ATG101: variants seen among roughly 807,000 people sequenced by gnomAD.
ATG101 encodes the protein autophagy related 101.
A neutral mutation model predicts 16.7 loss-of-function variants in ATG101; 6 were observed. That is an observed-to-expected ratio of 0.36 (90% CI 0.20 to 0.71). ATG101 has a LOEUF of 0.71. Among genes scored for constraint, ATG101 ranks in the 30% least tolerant of loss-of-function variants. The pLI, the probability that ATG101 is intolerant of heterozygous loss-of-function variation, is 0.57. For synonymous variants in ATG101, 108 were observed against 118.1 expected, an observed-to-expected ratio of 0.91 and a Z score of 0.56; for missense variants, 200 against 292.5, an observed-to-expected ratio of 0.68 and a Z score of 2.31.
chr12:52,074,264 A>G (rs946382616), intron 3 of ATG101, among the ~76,000 whole-genome samples: 1 of 152,178 alleles, frequency 6.6e-6, no homozygotes, highest in Non-Finnish European at 1.5e-5. Context: ...TTCCCACATG[A>G]AACTCCCCCA....
At chr12:52,074,884 A>G (rs578235046) in intron 3 of ATG101, among the ~76,000 whole-genome samples, 1 of 152,296 alleles carries the variant, frequency 6.6e-6, no homozygotes, top group Admixed American at 6.5e-5. Flanking sequence ...GCTTGAGCCT[A>G]GGAATTCGAG....
At chr12:52,076,688 A>G (rs1939735361) in intron 3 of ATG101, 98 bp from the exon 4 acceptor site, 1 of 1,367,932 alleles carries the variant, frequency 7.3e-7, no homozygotes, top group South Asian at 1.4e-5. Flanking sequence ...GATGATGACT[A>G]GAGCTAAGAG....
chr12:52,077,054 TG>T lies in ATG101; in HGVS notation c.523del (p.Asp175IlefsTer80). ...CCCAAGATGCCCACACAGTCGGAGG[TG>T]GATAACGTGTTTGACACAGGCTTGC... is the stretch of plus-strand genomic sequence containing the variant. ...YLPKMPTQSE[V>X]DNVFDTGLRD... On this transcript the variant is annotated frameshift_variant, in exon 4 of 4. Transcript: ENST00000336854. LOFTEE classifies it high-confidence loss of function. 1 of 1,613,970 alleles carries T rather than the reference TG, an allele frequency of 6.2e-7. No individual in the cohort carries two copies. The highest frequency in any genetic ancestry group is 8.5e-7 in the Non-Finnish European group (1 of 1,180,000).
intron 2 of ATG101, among the ~76,000 whole-genome samples, chr12:52,073,063 G>A (rs184212834): frequency 1.9e-4 from 29 of 152,234 alleles, no homozygotes; most frequent in African/African-American, 6.3e-4. Context: ...CACCACACCC[G>A]GCCTAGAGGT....
chr12:52,075,424 A>G (rs1019265698), intron 3 of ATG101, among the ~76,000 whole-genome samples: 2 of 152,168 alleles, frequency 1.3e-5, no homozygotes, highest in African/African-American at 2.4e-5. Flanking sequence ...GCTTACCTCA[A>G]AGGGTGTGTG....
intron 2 of ATG101, among the ~76,000 whole-genome samples, chr12:52,072,444 C>T (rs1311818248): frequency 6.6e-6 from 1 of 152,174 alleles, no homozygotes; most frequent in African/African-American, 2.4e-5. Flanking sequence ...GATTCAAACC[C>T]AGGACTGTAG....
chr12:52,074,449 C>T (rs1939702249), intron 3 of ATG101, among the ~76,000 whole-genome samples: 6 of 152,142 alleles, frequency 3.9e-5, no homozygotes, highest in Admixed American at 3.3e-4. Context: ...GGTCTTTGTT[C>T]AGAGTCACAG....
intron 2 of ATG101, 139 bp from the exon 3 acceptor site, chr12:52,073,432 ACTTG>A: frequency 1.8e-6 from 1 of 569,788 alleles, no homozygotes; most frequent in Non-Finnish European, 3.1e-6. Flanking sequence ...TGATCCTGAG[ACTTG>A]ATGATTCGTT....
At chr12:52,066,795 G>C (rs1939556172), upstream of ATG101, among the ~76,000 whole-genome samples, 1 of 152,178 alleles carries the variant, frequency 6.6e-6, no homozygotes, top group Admixed American at 6.5e-5. Context: ...GCAAAGGGCT[G>C]AGTTGGAGTG....
rs550081891 is a variant in ATG101 at position 52,073,192 on chromosome 12, A to G, written c.-76-383A>G. Among the ~76,000 whole-genome samples, 4 of 152,278 alleles carry G rather than the reference A, an allele frequency of 2.6e-5. No individual in the cohort carries two copies. In the East Asian group the frequency reaches 5.8e-4, roughly 22 times the overall value. On this transcript the variant is annotated intron_variant, in intron 2 of 3. Coordinates refer to ENST00000336854, the MANE Select transcript of ATG101 (RefSeq NM_021934.5). ...CAAGGTCCCAGGAAATCAGACTCCA[A>G]TCTTTCTGTACTTCTTACTCCCACC...
In ATG101 at chr12:52,077,072, C is replaced by G. The variant is rs369203255; in HGVS notation, c.539C>G (p.Thr180Arg). The G allele has an allele frequency of 6.2e-7, 1 of 1,614,098 alleles. No homozygotes were observed. Among genetic ancestry groups the G allele is most frequent in the African/African-American group, 1.3e-5 (1 of 74,918 alleles). ...TQSEVDNVFD[T>R]GLRDVQPYLY... ...TCGGAGGTGGATAACGTGTTTGACA[C>G]AGGCTTGCGGGACGTGCAGCCCTAC... Residue 180 changes from threonine (T) to arginine (R), a missense_variant, in exon 4 of 4, where the codon ACA (threonine) becomes AGA (arginine). Thr to Arg is a moderately conservative substitution (Grantham distance 71, BLOSUM62 -1). Coordinates refer to ENST00000336854, the MANE Select transcript of ATG101 (RefSeq NM_021934.5).
At chr12:52,076,149 C>A (rs538665645) in intron 3 of ATG101, among the ~76,000 whole-genome samples, 17 of 152,164 alleles carry the variant, frequency 1.1e-4, no homozygotes, top group Non-Finnish European at 2.2e-4. Flanking sequence ...CAGAGTAAGA[C>A]CCAGTTTCTT....
rs1939618205 is a variant in ATG101, at chr12:52,070,137, A to G, written c.-312A>G. On this transcript the variant is annotated 5_prime_UTR_variant, in exon 1 of 4. Coordinates refer to ENST00000336854, the MANE Select transcript of ATG101 (RefSeq NM_021934.5). The stretch of plus-strand genomic sequence containing the variant: ...GCGTGGGCATCCCCCGGGGCAGTGG[A>G]ACGCGGGCGCTCCTCCAGCTTCCGA... 1 of 152,186 alleles carries G rather than the reference A, an allele frequency of 6.6e-6. No homozygotes were observed. The highest frequency in any genetic ancestry group is 1.5e-5 in the Non-Finnish European group (1 of 68,202). The allele number at this position is 152,186 out of a possible 1,614,324, so 9.4% of individuals were successfully genotyped here. A position where few individuals can be genotyped will look rare whatever the true frequency, so the allele number is the denominator to read the frequency against.
In ATG101 at chr12:52,077,234, TGGCTTTTGGGAATTGCACTTTTG is replaced by T. The variant is rs1481211469; in HGVS notation, c.*48_*70del. The T allele has an allele frequency of 3.8e-6, 6 of 1,585,274 alleles. No individual in the cohort carries two copies. Among genetic ancestry groups the T allele is most frequent in the Non-Finnish European group, 3.4e-6 (4 of 1,163,254 alleles). ...GAGCTCCTTGATGGCTCCCAGACCT[TGGCTTTTGGGAATTGCACTTTTG>T]GGCCTTTGGGCTCTGGAACCTGCTC... On this transcript the variant is annotated 3_prime_UTR_variant, in exon 4 of 4. Transcript: ENST00000336854.
In ATG101 at chr12:52,076,805, G is replaced by A; in HGVS notation, c.272G>A (p.Gly91Asp). 1 of 1,614,140 alleles carries A rather than the reference G, an allele frequency of 6.2e-7. No homozygotes were observed. ...GEFKDALRNS[G>D]GDGLGQMSLE... Reference sequence around the variant, plus strand: ...TCCCAGGATGCACTGCGCAACTCTGGTGGCGATGGGCTGGGGCAGATGTCC... The same window carrying A: ...TCCCAGGATGCACTGCGCAACTCTGATGGCGATGGGCTGGGGCAGATGTCC... The change falls in exon 4 of 4, where the codon GGT (glycine) becomes GAT (aspartate). Residue 91 changes from glycine to aspartate, a missense_variant. Gly to Asp is a moderately conservative substitution (Grantham distance 94, BLOSUM62 -1). Transcript: ENST00000336854.
At chr12:52,068,284 C>T (rs1939570615), upstream of ATG101, among the ~76,000 whole-genome samples, 1 of 151,246 alleles carries the variant, frequency 6.6e-6, no homozygotes, top group South Asian at 2.1e-4. Context: ...AAACTCCTGA[C>T]CTCGAGTGAT....
chr12:52,075,334 G>A (rs1041871472), intron 3 of ATG101, among the ~76,000 whole-genome samples: 1 of 152,210 alleles, frequency 6.6e-6, no homozygotes, highest in Admixed American at 6.5e-5. Flanking sequence ...AAGAGCATGG[G>A]CTTTGGAGCT....
At chr12:52,072,741 G>A in intron 2 of ATG101, among the ~76,000 whole-genome samples, 1 of 141,658 alleles carries the variant, frequency 7.1e-6, no homozygotes, top group East Asian at 2.4e-4. Flanking sequence ...AAAGGTACTT[G>A]TCTTTTTTTT....
chr12:52,073,842 T>C lies in ATG101; in HGVS notation c.192T>C (p.Tyr64=), dbSNP rs549298978. The C allele has an allele frequency of 3.3e-5, 54 of 1,614,242 alleles. No homozygotes were observed. In the East Asian group the frequency reaches 8.7e-4, roughly 26 times the overall value. The change falls in exon 3 of 4, where the codon TAT becomes TAC. Residue 64 remains tyrosine (Y), a synonymous_variant. Coordinates refer to ENST00000336854, the MANE Select transcript of ATG101 (RefSeq NM_021934.5). The part of the protein sequence containing the change: ...DVDCDFIDFT[Y]VRVSSEELDR... ...ACTGTGACTTCATCGACTTCACTTA[T>C]GTGCGTGTCTCTTCTGAGGAACTGG...
Sources: gnomAD v4.1 joint callset for allele counts (sites outside exome capture counted in the v4.1 genomes callset) on GRCh38, gnomAD v4.1.1 for gene constraint, MANE v1.5 for transcripts, NCBI Gene and HGNC (gene_info 2026-07-23, HGNC 2026-07-21) for gene names.